The following LDAH variants were observed in gnomAD, a reference collection of about 807,000 sequenced individuals.
LDAH encodes lipid droplet-associated hydrolase.
A neutral mutation model predicts 29.6 loss-of-function variants in LDAH; 26 were observed. The ratio of observed to expected loss-of-function variants is 0.88; its 90% CI spans 0.64 to 1.22. The LOEUF is 1.22. Among genes scored for constraint, LDAH ranks in the 50% most tolerant of loss-of-function variants. The pLI is 0.00. For synonymous variants in LDAH, 117 were observed against 133.0 expected, an observed-to-expected ratio of 0.88 and a Z score of 0.83; for missense variants, 344 against 387.3, an observed-to-expected ratio of 0.89 and a Z score of 0.94.
intron 3 of LDAH, among the ~76,000 whole-genome samples, chr2:20,776,704 T>C (rs910752827): frequency 3.3e-5 from 5 of 152,160 alleles, no homozygotes; most frequent in African/African-American, 1.2e-4. Flanking sequence ...TTTTTATGCA[T>C]GAAATATTAT....
chr2:20,811,197 T>C (rs1442189379), intron 1 of LDAH, among the ~76,000 whole-genome samples: 1 of 151,784 alleles, frequency 6.6e-6, no homozygotes, highest in African/African-American at 2.4e-5. Flanking sequence ...TTTTTGTATT[T>C]TTAGTAGAGA....
At chr2:20,779,658 T>A (rs1307011313) in intron 3 of LDAH, among the ~76,000 whole-genome samples, 1 of 152,118 alleles carries the variant, frequency 6.6e-6, no homozygotes, top group African/African-American at 2.4e-5. Context: ...CCTTTTTCTG[T>A]ATTGTTTTAT....
intron 6 of LDAH, among the ~76,000 whole-genome samples, chr2:20,694,735 G>A (rs1663306242): frequency 6.6e-6 from 1 of 152,202 alleles, no homozygotes; most frequent in Admixed American, 6.5e-5. Context: ...GGAGGAGTAG[G>A]TCCTATGGGG....
intron 2 of LDAH, among the ~76,000 whole-genome samples, chr2:20,794,781 G>A (rs538063980): frequency 6.6e-6 from 1 of 152,256 alleles, no homozygotes; most frequent in South Asian, 2.1e-4. Flanking sequence ...ATAGTTCTCT[G>A]TATCCAGTGG....
intron 1 of LDAH, among the ~76,000 whole-genome samples, chr2:20,821,304 G>A (rs552860304): frequency 7.2e-4 from 109 of 152,308 alleles, no homozygotes; most frequent in African/African-American, 2.4e-3. Context: ...CTGCTATAAA[G>A]ACACATGCAC....
chr2:20,818,071 G>A (rs1451982725), intron 1 of LDAH, among the ~76,000 whole-genome samples: 2 of 152,106 alleles, frequency 1.3e-5, no homozygotes, highest in Admixed American at 1.3e-4. Flanking sequence ...ACATAGACCT[G>A]TGTACACACA....
chr2:20,767,719 G>A (rs1201165518), intron 4 of LDAH, among the ~76,000 whole-genome samples: 1 of 152,214 alleles, frequency 6.6e-6, no homozygotes, highest in South Asian at 2.1e-4. Context: ...GGGGACTTGT[G>A]GTGCCCTTTC....
At chr2:20,738,638 A>G (rs895541735) in intron 5 of LDAH, among the ~76,000 whole-genome samples, 2 of 152,062 alleles carry the variant, frequency 1.3e-5, no homozygotes, top group African/African-American at 2.4e-5. Flanking sequence ...TCCAACATCA[A>G]CCTCTGGCAA....
chr2:20,806,283 A>AT (rs1672061068), intron 1 of LDAH, among the ~76,000 whole-genome samples: 1 of 152,190 alleles, frequency 6.6e-6, no homozygotes, highest in African/African-American at 2.4e-5. Context: ...CTCAAATGCC[A>AT]AAAACTTTAA....
intron 2 of LDAH, among the ~76,000 whole-genome samples, chr2:20,795,933 C>G (rs965730645): frequency 7.1e-6 from 1 of 140,516 alleles, no homozygotes; most frequent in South Asian, 2.4e-4. Context: ...AGATTAGCTC[C>G]CCCGAAACCT....
chr2:20,696,716 C>T (rs1361214792), intron 6 of LDAH, among the ~76,000 whole-genome samples: 1 of 152,186 alleles, frequency 6.6e-6, no homozygotes, highest in African/African-American at 2.4e-5. Context: ...AGTGACAGAA[C>T]AAGGGAGTGC....
chr2:20,812,661 G>A (rs1035697148), intron 1 of LDAH, among the ~76,000 whole-genome samples: 4 of 152,090 alleles, frequency 2.6e-5, no homozygotes, highest in African/African-American at 9.7e-5. Context: ...AAAGATATCA[G>A]CAAAATAAAA....
chr2:20,713,080 A>C (rs993250280), intron 5 of LDAH, among the ~76,000 whole-genome samples: 1 of 152,204 alleles, frequency 6.6e-6, no homozygotes, highest in Admixed American at 6.6e-5. Flanking sequence ...CCCAAGACAC[A>C]TAATTGTCAG....
At chr2:20,693,811 C>T (rs1663216133) in intron 6 of LDAH, among the ~76,000 whole-genome samples, 3 of 152,230 alleles carry the variant, frequency 2.0e-5, no homozygotes, top group Admixed American at 6.5e-5. Context: ...CTGAGCAATG[C>T]AAGGCTTTCT....
chr2:20,810,840 C>T (rs192028704), intron 1 of LDAH, among the ~76,000 whole-genome samples: 71 of 152,208 alleles, frequency 4.7e-4, no homozygotes, highest in African/African-American at 1.7e-3. Context: ...GAACGCAAAC[C>T]CTATTGTGAA....
At position 20,721,486 on chromosome 2, in the gene LDAH, A is replaced by G. The variant is rs184935776; in HGVS notation, c.703+18485T>C. Among the ~76,000 whole-genome samples, 344 of 152,228 alleles carry G rather than the reference A, an allele frequency of 2.3e-3. 2 individuals are homozygous for G. Among genetic ancestry groups the G allele is most frequent in the African/African-American group, 6.6e-3 (275 of 41,544 alleles). On this transcript the variant is annotated intron_variant, in intron 5 of 6. Transcript: ENST00000237822. ...ACCAAAATCTCACAAATCACCACTAAAGAACTTACTCGTGTAACCAAATAC... is the reference window on the plus strand; with the variant it reads ...ACCAAAATCTCACAAATCACCACTAGAGAACTTACTCGTGTAACCAAATAC...
At chr2:20,794,540 T>TAATA (rs1671186070) in intron 2 of LDAH, among the ~76,000 whole-genome samples, 1 of 152,172 alleles carries the variant, frequency 6.6e-6, no homozygotes, top group African/African-American at 2.4e-5. Context: ...GTTAAAAGCA[T>TAATA]AATACATCAT....
chr2:20,798,891 C>A (rs1427990354), intron 2 of LDAH, among the ~76,000 whole-genome samples: 1 of 151,506 alleles, frequency 6.6e-6, no homozygotes, highest in Non-Finnish European at 1.5e-5. Context: ...CAAAACAAAA[C>A]AAAAGACAAC....
At chr2:20,777,443 G>C (rs1404133317) in intron 3 of LDAH, among the ~76,000 whole-genome samples, 4 of 152,048 alleles carry the variant, frequency 2.6e-5, no homozygotes, top group African/African-American at 9.7e-5. Context: ...ATTTATTTTT[G>C]AGATGGAGTC....
Sources: allele counts gnomAD v4.1 joint callset (sites outside exome capture counted in the v4.1 genomes callset), GRCh38; gene constraint gnomAD v4.1.1; transcripts MANE v1.5; gene names NCBI Gene and HGNC (gene_info 2026-07-23, HGNC 2026-07-21).